HGF: variants seen among roughly 807,000 people sequenced by gnomAD.
The protein encoded by HGF is fibroblast-derived tumor cytotoxic factor.
In HGF, 39 loss-of-function variants were observed where a neutral mutation model predicts 111.6. The ratio of observed to expected loss-of-function variants is 0.35; its 90% CI spans 0.27 to 0.46. HGF has a LOEUF of 0.46. HGF is among the 20% of genes least tolerant of loss of function. The probability of loss-of-function intolerance (pLI) is 1.00; values close to 1 mark genes in which losing one functional copy is unlikely to be tolerated. For missense variants in HGF, 735 were observed against 910.5 expected, an observed-to-expected ratio of 0.81 and a Z score of 2.48; for synonymous variants, 285 against 294.8, an observed-to-expected ratio of 0.97 and a Z score of 0.34.
At chr7:81,769,323 A>G (rs932667994) in intron 1 of HGF, among the ~76,000 whole-genome samples, 1 of 152,206 alleles carries the variant, frequency 6.6e-6, no homozygotes, top group Non-Finnish European at 1.5e-5. Context: ...CAGAAAGAAT[A>G]AGATCTTTAA....
At chr7:81,753,925 C>T (rs1331818925) in intron 4 of HGF, among the ~76,000 whole-genome samples, 1 of 151,854 alleles carries the variant, frequency 6.6e-6, no homozygotes, top group African/African-American at 2.4e-5. Context: ...CTTTTAGCTC[C>T]ATCATTCCAG....
intron 3 of HGF, among the ~76,000 whole-genome samples, chr7:81,757,697 A>G (rs1788849252): frequency 6.6e-6 from 1 of 152,152 alleles, no homozygotes; most frequent in African/African-American, 2.4e-5. Context: ...AAGATAATTA[A>G]TTTGTCCTTC....
chr7:81,762,778 G>A lies in HGF; in HGVS notation c.183C>T (p.Thr61=), dbSNP rs147718886. 7 of 1,610,604 alleles carry A rather than the reference G, an allele frequency of 4.3e-6. No individual in the cohort carries two copies. The highest frequency in any genetic ancestry group is 2.2e-5 in the East Asian group (1 of 44,778). ...ATTGGTCTGCAGTATTCACTTTTTT[G>A]GTTTTTATCTTCAGTGCTGGATCTA... ...IKIDPALKIK[T]KKVNTADQCA... is the part of the protein sequence containing the mutation. The change falls in exon 2 of 18, where the codon ACC becomes ACT. Residue 61 remains threonine (T), a synonymous_variant. Coordinates refer to ENST00000222390, the MANE Select transcript of HGF (RefSeq NM_000601.6).
intron 4 of HGF, among the ~76,000 whole-genome samples, chr7:81,753,172 T>C (rs1788587743): frequency 6.6e-6 from 1 of 152,118 alleles, no homozygotes; most frequent in African/African-American, 2.4e-5. Context: ...CTTAGTGTTA[T>C]TACCAGCATA....
rs1789455193 is a variant in HGF at position 81,707,348 on chromosome 7, C to A, written c.1558G>T (p.Gly520Ter). 1 of 1,594,092 alleles carries A rather than the reference C, an allele frequency of 6.3e-7. No homozygotes were observed. Among genetic ancestry groups the A allele is most frequent in the Non-Finnish European group, 8.6e-7 (1 of 1,162,528 alleles). ...CAACTCTCCTTTATCAATGATCCTC[C>A]GCAGATATGTTTATTTCTGTGAAAA... is the stretch of plus-strand genomic sequence containing the variant. ...SLRYRNKHIC[G>*]GSLIKESWVL... Residue 520 changes from glycine to a stop codon, truncating the protein, a stop_gained, in exon 14 of 18, where the codon GGA becomes TGA. Transcript: ENST00000222390. LOFTEE classifies it high-confidence loss of function.
intron 10 of HGF, among the ~76,000 whole-genome samples, chr7:81,720,438 G>A (rs1345542508): frequency 2.0e-5 from 3 of 152,118 alleles, no homozygotes; most frequent in East Asian, 3.9e-4. Flanking sequence ...CAATGTGACC[G>A]TATCCTCCTT....
rs763933267 is a variant in HGF, at chr7:81,702,663, C to T, written c.2105G>A (p.Arg702His). 5.0e-6 allele frequency: 8 copies of T among 1,611,210 alleles called. No homozygotes were observed. The highest frequency in any genetic ancestry group is 4.4e-5 in the South Asian group (4 of 91,010). Reference sequence around the variant, plus strand: ...TGCTACTCGGACAAAAATACCAGGACGATTTGGAATGGCACATCCACGACC... The same window carrying T: ...TGCTACTCGGACAAAAATACCAGGATGATTTGGAATGGCACATCCACGACC... The part of the protein sequence containing the change: ...VPGRGCAIPN[R>H]PGIFVRVAYY... Residue 702 changes from arginine (R) to histidine (H), a missense_variant, in exon 18 of 18, where the codon CGT becomes CAT. Arg to His is a conservative substitution (Grantham distance 29). Coordinates refer to ENST00000222390, the MANE Select transcript of HGF (RefSeq NM_000601.6).
intron 7 of HGF, among the ~76,000 whole-genome samples, chr7:81,741,430 A>G (rs1250449208): frequency 6.6e-6 from 1 of 152,164 alleles, no homozygotes; most frequent in Non-Finnish European, 1.5e-5. Context: ...AGCCAGTGTC[A>G]TAGTCATTCT....
At chr7:81,751,681 T>C (rs1788512369) in intron 5 of HGF, 1 of 1,025,446 alleles carries the variant, frequency 9.8e-7, no homozygotes, top group Admixed American at 5.2e-5. Flanking sequence ...TCTGGGTCCA[T>C]ATACCCTTGT....
At chr7:81,756,742 T>A (rs1015315494) in intron 4 of HGF, 8 of 184,304 alleles carry the variant, frequency 4.3e-5, no homozygotes, top group African/African-American at 1.9e-4. Context: ...ATCTTCTAAG[T>A]AAGATTCGTC....
intron 8 of HGF, among the ~76,000 whole-genome samples, chr7:81,729,367 A>T (rs926419525): frequency 6.6e-6 from 1 of 152,194 alleles, no homozygotes; most frequent in South Asian, 2.1e-4. Flanking sequence ...AAGCATAGTG[A>T]ATCTACCCTC....
chr7:81,727,210 G>GT (rs5885247), intron 8 of HGF, among the ~76,000 whole-genome samples: 6,230 of 143,002 alleles, frequency 0.044, 177 homozygotes, highest in Non-Finnish European at 0.068. Context: ...CCGGCTAATT[G>GT]TTTTTTTTTT....
At chr7:81,730,302 A>T (rs1055162158) in intron 7 of HGF, among the ~76,000 whole-genome samples, 3 of 152,066 alleles carry the variant, frequency 2.0e-5, no homozygotes, top group African/African-American at 7.2e-5. Context: ...TACAAAAAAA[A>T]TTAGCCAGGA....
intron 12 of HGF, among the ~76,000 whole-genome samples, chr7:81,710,773 G>T (rs984825957): frequency 6.6e-6 from 1 of 150,896 alleles, no homozygotes; most frequent in Admixed American, 6.6e-5. Flanking sequence ...AAATCATTAT[G>T]TCCAAAGACA....
At chr7:81,716,142 G>T (rs1201781185) in intron 11 of HGF, among the ~76,000 whole-genome samples, 4 of 152,114 alleles carry the variant, frequency 2.6e-5, no homozygotes, top group African/African-American at 9.7e-5. Context: ...CCCTCCAGGG[G>T]ACATTGGCAA....
chr7:81,747,881 C>G (rs1273591852), intron 5 of HGF, among the ~76,000 whole-genome samples: 1 of 151,754 alleles, frequency 6.6e-6, no homozygotes, highest in African/African-American at 2.4e-5. Flanking sequence ...TGCACTGAGC[C>G]GAGATGGTGC....
At chr7:81,726,720 C>T (rs1790022145) in intron 8 of HGF, among the ~76,000 whole-genome samples, 1 of 151,544 alleles carries the variant, frequency 6.6e-6, no homozygotes, top group Non-Finnish European at 1.5e-5. Context: ...TTCATTTTAC[C>T]AGTATTTTAA....
intron 7 of HGF, chr7:81,742,615 A>G (rs572766703): frequency 1.2e-6 from 1 of 828,310 alleles, no homozygotes; most frequent in African/African-American, 1.7e-5. Context: ...AATATTGTTT[A>G]AGAGAACAGT....
At position 81,743,478 on chromosome 7, in the gene HGF, A is replaced by G; in HGVS notation, c.747-7T>C. On this transcript the variant is annotated splice_region_variant and splice_polypyrimidine_tract_variant and intron_variant, in intron 6 of 17. Transcript: ENST00000222390. The stretch of plus-strand genomic sequence containing the variant: ...AAAGCCCTTGTCGGGATATCTGCAA[A>G]CCACACCAAGAAAAGTGTCACGTAA... 6.4e-7 allele frequency: 1 copy of G among 1,564,142 alleles called. No individual in the cohort carries two copies. Among genetic ancestry groups the G allele is most frequent in the Non-Finnish European group, 8.8e-7 (1 of 1,134,428 alleles).
Sources: allele counts gnomAD v4.1 joint callset (sites outside exome capture counted in the v4.1 genomes callset), GRCh38; gene constraint gnomAD v4.1.1; transcripts MANE v1.5; gene names NCBI Gene and HGNC (gene_info 2026-07-23, HGNC 2026-07-21).